FGD4: variants seen among roughly 807,000 people sequenced by gnomAD.
FGD4 encodes FYVE, RhoGEF and PH domain-containing protein 4.
A neutral mutation model predicts 102.0 loss-of-function variants in FGD4; 42 were observed. The ratio of observed to expected loss-of-function variants is 0.41; its 90% confidence interval spans 0.32 to 0.53. The LOEUF is 0.53. FGD4 is among the 20% of genes least tolerant of loss of function. The probability of loss-of-function intolerance (pLI) is 0.21; values close to 1 mark genes in which losing one functional copy is unlikely to be tolerated. For synonymous variants in FGD4, 380 were observed against 375.7 expected, an observed-to-expected ratio of 1.01 and a Z score of -0.13; for missense variants, 902 against 1,078.2, an observed-to-expected ratio of 0.84 and a Z score of 2.29.
chr12:32,441,985 A>G (rs983613367), intron 1 of FGD4, among the ~76,000 whole-genome samples: 1 of 151,038 alleles, frequency 6.6e-6, no homozygotes, highest in African/African-American at 2.4e-5. Flanking sequence ...TCTTCACGCC[A>G]TGCTGCTGCT....
rs1054117695 is a variant in FGD4 at position 32,544,841 on chromosome 12, A to G, written c.167-19296A>G. Among the ~76,000 whole-genome samples, 1 of 152,224 alleles carries G rather than the reference A, an allele frequency of 6.6e-6. No homozygotes were observed. Among genetic ancestry groups the G allele is most frequent in the Non-Finnish European group, 1.5e-5 (1 of 68,046 alleles). On this transcript the variant is annotated intron_variant, in intron 1 of 16. Coordinates refer to ENST00000534526, the MANE Select transcript of FGD4 (RefSeq NM_001370298.3). The surrounding 1 kb of genome is among the most constrained non-coding windows in gnomAD (Gnocchi z 4.1). ...TCATATAGCTTCCACTATAAATACTATTTTGATCCAAGCCTGTTAATAACA... is the reference window on the plus strand; with the variant it reads ...TCATATAGCTTCCACTATAAATACTGTTTTGATCCAAGCCTGTTAATAACA...
intron 3 of FGD4, 36 bp from the exon 4 acceptor site, chr12:32,581,924 A>C (rs1946650018): frequency 6.2e-7 from 1 of 1,611,006 alleles, no homozygotes. Context: ...TTTCCATACC[A>C]ATGTTTTCAT....
At chr12:32,567,034 A>G (rs866941627) in intron 2 of FGD4, among the ~76,000 whole-genome samples, 71 of 152,336 alleles carry the variant, frequency 4.7e-4, no homozygotes, top group African/African-American at 1.7e-3. Context: ...ATCTTCCTGC[A>G]CTTATCACCA....
intron 3 of FGD4, among the ~76,000 whole-genome samples, 190 bp downstream of exon 3, chr12:32,576,639 A>G (rs998149065): frequency 4.7e-4 from 72 of 152,200 alleles, no homozygotes; most frequent in African/African-American, 1.7e-3. Flanking sequence ...GTCATTTACT[A>G]TGTATTAGCT....
chr12:32,576,841 T>C (rs1946166211), intron 3 of FGD4, among the ~76,000 whole-genome samples: 2 of 152,186 alleles, frequency 1.3e-5, no homozygotes, highest in Admixed American at 6.5e-5. Flanking sequence ...TTTCTCACTT[T>C]GTATGTTTGT....
At chr12:32,519,555 C>G (rs1256637516) in intron 1 of FGD4, among the ~76,000 whole-genome samples, 1 of 152,106 alleles carries the variant, frequency 6.6e-6, no homozygotes, top group East Asian at 1.9e-4. Context: ...CTTTGGGAGG[C>G]TGAGTCAGGA....
In FGD4 at chr12:32,623,361, T is replaced by A. The variant is rs189143024; in HGVS notation, c.1923-1061T>A. 4.4e-3 allele frequency among the ~76,000 whole-genome samples: 671 copies of A among 150,934 alleles called. 4 individuals carry two copies. Among genetic ancestry groups the A allele is most frequent in the African/African-American group, 0.015 (609 of 41,146 alleles). ...GGAGAGTTTTTTAATTTAAAAAAAA[T>A]TTTTTTTTTATTTTGAGAAGCAAGA... On this transcript the variant is annotated intron_variant, in intron 11 of 16. Coordinates refer to ENST00000534526, the MANE Select transcript of FGD4 (RefSeq NM_001370298.3).
chr12:32,569,772 C>A (rs748694847), intron 2 of FGD4, among the ~76,000 whole-genome samples: 2 of 152,020 alleles, frequency 1.3e-5, no homozygotes, highest in Non-Finnish European at 2.9e-5. Context: ...AATAAGTATT[C>A]ATTTAATTAA....
chr12:32,519,222 G>A (rs1940246330), intron 1 of FGD4, among the ~76,000 whole-genome samples: 1 of 150,982 alleles, frequency 6.6e-6, no homozygotes, highest in African/African-American at 2.4e-5. Context: ...TAAATATTTA[G>A]CAGGTTCTTA....
At position 32,625,063 on chromosome 12, in the gene FGD4, G is replaced by A. The variant is rs753988910; in HGVS notation, c.2041G>A (p.Val681Ile). Reference sequence around the variant, plus strand: ...AAAGGATAATGACATTCACTCAGAGGTTTCTGTGAGTTGAATTAAATTCTT... The same window carrying A: ...AAAGGATAATGACATTCACTCAGAGATTTCTGTGAGTTGAATTAAATTCTT... Reference protein sequence around the residue: ...IAKDNDIHSEVSTAELGKRAP... With the variant: ...IAKDNDIHSEISTAELGKRAP... Residue 681 changes from valine (V) to isoleucine (I), a missense_variant, in exon 13 of 17, where the codon GTT becomes ATT. Physicochemically the swap from Val to Ile is conservative, Grantham distance 29. Around this residue, in one of 2 missense-constraint regions of FGD4, gnomAD observed 459 missense variants for 619.0 expected, o/e 0.74. Coordinates refer to ENST00000534526, the MANE Select transcript of FGD4 (RefSeq NM_001370298.3). 62 of 1,610,224 alleles carry A rather than the reference G, an allele frequency of 3.9e-5. No individual in the cohort carries two copies. The highest frequency in any genetic ancestry group is 5.1e-5 in the Non-Finnish European group (60 of 1,177,288).
chr12:32,605,909 G>A (rs1488233421), intron 7 of FGD4, among the ~76,000 whole-genome samples: 2 of 152,196 alleles, frequency 1.3e-5, no homozygotes, highest in African/African-American at 2.4e-5. Context: ...GATAGTGGTA[G>A]TTATTGTCTA....
chr12:32,399,751 C>A lies in FGD4; in HGVS notation c.-43C>A. 6.6e-7 allele frequency: 1 copy of A among 1,522,182 alleles called. No homozygotes were observed. Among genetic ancestry groups the A allele is most frequent in the Non-Finnish European group, 8.8e-7 (1 of 1,142,056 alleles). 94.3% of individuals were successfully genotyped at this position (1,522,182 alleles called of 1,614,324 possible). ...CCCCCAGGGGCCGCTCGCGGCTGGA[C>A]GGGAGCGGGAGGAGTCGGGGAGCGG... On this transcript the variant is annotated 5_prime_UTR_variant, in exon 1 of 17. Transcript: ENST00000534526.
intron 1 of FGD4, among the ~76,000 whole-genome samples, chr12:32,447,892 T>C (rs1942666593): frequency 6.6e-6 from 1 of 152,216 alleles, no homozygotes; most frequent in South Asian, 2.1e-4. Flanking sequence ...GGTTGAAATA[T>C]ATGTAAGAGA....
chr12:32,482,220 A>T (rs1364528954), intron 1 of FGD4, among the ~76,000 whole-genome samples: 4 of 152,256 alleles, frequency 2.6e-5, no homozygotes, highest in African/African-American at 9.6e-5. Flanking sequence ...GTTTTTCCTT[A>T]TCTGCCAAAG....
In FGD4 at chr12:32,619,678, T is replaced by C. The variant is rs551664451; in HGVS notation, c.1750-20T>C. 16 of 1,613,880 alleles carry C rather than the reference T, an allele frequency of 9.9e-6. No homozygotes were observed. Among genetic ancestry groups the C allele is most frequent in the Admixed American group, 6.7e-5 (4 of 60,002 alleles). On this transcript the variant is annotated intron_variant, in intron 10 of 16. Transcript: ENST00000534526. ...CCCCTATTTCTTTTCTTTACTGATA[T>C]ATGTTCTCGTTCCTTGCAGTTCAAC...
chr12:32,507,507 G>A (rs10506089), intron 1 of FGD4, among the ~76,000 whole-genome samples: 8,006 of 152,258 alleles, frequency 0.053, 538 homozygotes, highest in African/African-American at 0.14. Context: ...AAAGCCAATC[G>A]TCAGTATCGT....
chr12:32,483,565 T>C (rs537535786), intron 1 of FGD4, among the ~76,000 whole-genome samples: 5 of 152,328 alleles, frequency 3.3e-5, no homozygotes, highest in African/African-American at 1.2e-4. Context: ...AGCATACTCA[T>C]GAGGATCCTT....
intron 11 of FGD4, 139 bp downstream of exon 11, chr12:32,620,009 G>A (rs779887243): frequency 4.3e-5 from 43 of 1,010,344 alleles, no homozygotes; most frequent in Non-Finnish European, 5.9e-5. Flanking sequence ...ATGCAGAGCT[G>A]TAGGTTCTTG....
At chr12:32,492,312 C>T (rs1022865154) in intron 1 of FGD4, among the ~76,000 whole-genome samples, 1 of 146,880 alleles carries the variant, frequency 6.8e-6, no homozygotes, top group African/African-American at 2.5e-5. Flanking sequence ...CCCTTTTAAC[C>T]CCAACTACCT....
Sources: gnomAD v4.1 joint callset for allele counts (sites outside exome capture counted in the v4.1 genomes callset) on GRCh38, gnomAD v4.1.1 for gene constraint, gnomAD v4.1.1 regional missense constraint, Gnocchi (gnomAD v3.1) non-coding constraint, MANE v1.5 for transcripts, NCBI Gene and HGNC (gene_info 2026-07-23, HGNC 2026-07-21) for gene names.